Variants in BCAR3 observed in about 807,000 individuals in gnomAD.
BCAR3 encodes the protein BCAR3 adaptor protein, NSP family member.
A neutral mutation model predicts 80.1 loss-of-function variants in BCAR3; 37 were observed. That is an observed-to-expected ratio of 0.46 (90% confidence interval 0.36 to 0.61). The LOEUF (loss-of-function observed/expected upper bound fraction) is 0.61, where lower values mean the gene tolerates loss of function less well. Ranked by LOEUF, BCAR3 falls within the 20% of genes least tolerant of loss-of-function variation. The pLI, the probability that BCAR3 is intolerant of heterozygous loss-of-function variation, is 0.00. For synonymous variants in BCAR3, 389 were observed against 418.9 expected (o/e 0.93, Z 0.87); for missense variants, 978 against 1,068.2 (o/e 0.92, Z 1.18).
At chr1:93,746,417 C>A (rs1353024407) in intron 2 of BCAR3, among the ~76,000 whole-genome samples, 1 of 152,190 alleles carries the variant, frequency 6.6e-6, no homozygotes, top group African/African-American at 2.4e-5. Context: ...AAAGTTGAGA[C>A]CTTCTATGTT....
At chr1:93,599,212 A>G (rs891936729) in intron 3 of BCAR3, 1 of 152,202 alleles carries the variant, frequency 6.6e-6, no homozygotes, top group African/African-American at 2.4e-5. Flanking sequence ...AAACATCATG[A>G]GGCTTGAAGC....
intron 2 of BCAR3, among the ~76,000 whole-genome samples, chr1:93,822,401 G>A (rs890762758): frequency 2.0e-5 from 3 of 151,312 alleles, no homozygotes; most frequent in Non-Finnish European, 4.4e-5. Context: ...GTGCAATGGC[G>A]TGGTCTTGGC....
At chr1:93,795,464 T>C (rs1207924391) in intron 2 of BCAR3, among the ~76,000 whole-genome samples, 1 of 82,702 alleles carries the variant, frequency 1.2e-5, no homozygotes, top group Non-Finnish European at 2.2e-5. Context: ...CTGAGGCTTC[T>C]GCATTCTTCA....
chr1:93,771,470 C>T (rs559588511), intron 2 of BCAR3, among the ~76,000 whole-genome samples: 14 of 152,296 alleles, frequency 9.2e-5, no homozygotes, highest in South Asian at 2.1e-4. Context: ...CTTATTATTA[C>T]CTGCAAAAAC....
intron 2 of BCAR3, among the ~76,000 whole-genome samples, chr1:93,707,183 CA>C (rs1413263646): frequency 6.6e-6 from 1 of 150,948 alleles, no homozygotes; most frequent in African/African-American, 2.4e-5. Flanking sequence ...CTCAAAAAAA[CA>C]AAAAAAGTAT....
chr1:93,566,918 G>A (rs968217595), intron 11 of BCAR3, among the ~76,000 whole-genome samples: 1 of 152,104 alleles, frequency 6.6e-6, no homozygotes, highest in Non-Finnish European at 1.5e-5. Flanking sequence ...ATTAGAGACA[G>A]GGTTTCATCA....
chr1:93,751,118 A>T (rs773635533), intron 2 of BCAR3, among the ~76,000 whole-genome samples: 4 of 152,176 alleles, frequency 2.6e-5, no homozygotes, highest in East Asian at 3.9e-4. Context: ...ACCAGAACTC[A>T]GGGAGGAAGT....
At chr1:93,718,444 T>C (rs1481415845) in intron 2 of BCAR3, among the ~76,000 whole-genome samples, 1 of 152,120 alleles carries the variant, frequency 6.6e-6, no homozygotes, top group African/African-American at 2.4e-5. Flanking sequence ...AGCAGTATGA[T>C]GGGAGAAGGG....
intron 2 of BCAR3, among the ~76,000 whole-genome samples, chr1:93,718,908 C>G (rs1002432213): frequency 6.6e-6 from 1 of 151,216 alleles, no homozygotes; most frequent in Non-Finnish European, 1.5e-5. Context: ...CCCTATGTTG[C>G]CCAAGCTGGT....
chr1:93,844,703 CTTTTTTT>C (rs11363783), intron 2 of BCAR3, among the ~76,000 whole-genome samples: 2 of 140,474 alleles, frequency 1.4e-5, no homozygotes, highest in Non-Finnish European at 3.1e-5. Flanking sequence ...TGACTTTCTT[CTTTTTTT>C]TTTTTTTTTT....
intron 2 of BCAR3, among the ~76,000 whole-genome samples, chr1:93,839,154 G>A (rs537802448): frequency 2.6e-5 from 4 of 152,194 alleles, no homozygotes; most frequent in Admixed American, 6.5e-5. Context: ...TTAGCTGGGC[G>A]TGGTGGCATG....
intron 2 of BCAR3, among the ~76,000 whole-genome samples, chr1:93,833,583 C>T (rs559158410): frequency 2.0e-5 from 3 of 152,178 alleles, no homozygotes; most frequent in African/African-American, 7.2e-5. Flanking sequence ...GGAATGCATT[C>T]TTTTCCCAGG....
At chr1:93,838,840 G>A (rs939137149) in intron 2 of BCAR3, among the ~76,000 whole-genome samples, 1 of 152,150 alleles carries the variant, frequency 6.6e-6, no homozygotes, top group African/African-American at 2.4e-5. Context: ...AAAATGCACA[G>A]AATGGATCAT....
At chr1:93,636,022 G>A (rs1675768489) in intron 3 of BCAR3, among the ~76,000 whole-genome samples, 1 of 152,180 alleles carries the variant, frequency 6.6e-6, no homozygotes, top group East Asian at 1.9e-4. Context: ...CTTGGCATTG[G>A]AATTTGCATA....
intron 6 of BCAR3, 114 bp downstream of exon 6, chr1:93,583,904 C>G: frequency 1.0e-6 from 1 of 1,000,100 alleles, no homozygotes. Flanking sequence ...CTCCAGGCTG[C>G]AGGCCTGAGG....
chr1:93,606,973 G>A (rs1674788504), intron 3 of BCAR3, among the ~76,000 whole-genome samples: 1 of 152,210 alleles, frequency 6.6e-6, no homozygotes, highest in South Asian at 2.1e-4. Flanking sequence ...GCAGGTCACT[G>A]GTGGCATAAA....
At chr1:93,748,573 T>C (rs991076143) in intron 2 of BCAR3, among the ~76,000 whole-genome samples, 60 of 152,210 alleles carry the variant, frequency 3.9e-4, no homozygotes, top group African/African-American at 1.4e-3. Context: ...TGGCTCTTCA[T>C]TAAAGGGAAG....
chr1:93,790,634 A>ATTTTTTTTTTTTTTTTTTTTT (rs67196746), intron 2 of BCAR3, among the ~76,000 whole-genome samples: 1 of 107,424 alleles, frequency 9.3e-6, no homozygotes. Flanking sequence ...TTTTGTATTC[A>ATTTTTTTTTTTTTTTTTTTTT]TTTTTTTTTT....
chr1:93,771,986 C>A (rs763176630), intron 2 of BCAR3, among the ~76,000 whole-genome samples: 4 of 152,220 alleles, frequency 2.6e-5, no homozygotes, highest in Non-Finnish European at 5.9e-5. Context: ...TTCCTCCTGG[C>A]AGCCCTTGGC....
Sources: gnomAD v4.1 joint callset for allele counts (sites outside exome capture counted in the v4.1 genomes callset) on GRCh38, gnomAD v4.1.1 for gene constraint, MANE v1.5 for transcripts, NCBI Gene and HGNC (gene_info 2026-07-23, HGNC 2026-07-21) for gene names.